KALRN: variants seen among roughly 807,000 people sequenced by gnomAD.
KALRN encodes kalirin.
In KALRN, 70 loss-of-function variants were observed where a neutral mutation model predicts 353.7. The observed-to-expected ratio is 0.20, with a 90% CI of 0.16 to 0.24. The LOEUF is 0.24. Ranked by LOEUF, KALRN falls within the 10% of genes least tolerant of loss-of-function variation. The pLI is 1.00. For missense variants in KALRN, 2,791 were observed against 3,756.7 expected, an observed-to-expected ratio of 0.74 and a Z score of 6.72; for synonymous variants, 1,391 against 1,434.8, an observed-to-expected ratio of 0.97 and a Z score of 0.69.
At position 124,334,664 on chromosome 3, in the gene KALRN, T is replaced by A. The variant is rs2080940462; in HGVS notation, c.1647+169T>A. On this transcript the variant is annotated intron_variant, in intron 9 of 59. Transcript: ENST00000682506. The surrounding 1 kb of genome is among the most constrained non-coding windows in gnomAD (Gnocchi z 4.2). ...CCCTACCAAAACACAGAACAAAAAC[T>A]GGACCTGTGAATTGCATATTTCTTG... is the stretch of plus-strand genomic sequence containing the variant. Among the ~76,000 whole-genome samples the A allele has an allele frequency of 6.6e-6, 1 of 152,218 alleles. No individual in the cohort carries two copies. Among genetic ancestry groups the A allele is most frequent in the Non-Finnish European group, 1.5e-5 (1 of 68,030 alleles).
At chr3:124,071,164 G>A (rs530482352) in intron 1 of KALRN, among the ~76,000 whole-genome samples, 16 of 152,166 alleles carry the variant, frequency 1.1e-4, no homozygotes, top group Non-Finnish European at 1.9e-4. Flanking sequence ...CTGTGTAGGT[G>A]TGCTGGGATG....
chr3:124,134,147 T>A (rs779335421), intron 1 of KALRN, among the ~76,000 whole-genome samples: 15 of 152,110 alleles, frequency 9.9e-5, no homozygotes, highest in Non-Finnish European at 1.9e-4. Context: ...AAGGCTATAG[T>A]CACCAAAACA....
intron 1 of KALRN, among the ~76,000 whole-genome samples, chr3:124,134,098 T>C (rs145211663): frequency 6.6e-6 from 1 of 152,188 alleles, no homozygotes; most frequent in East Asian, 1.9e-4. Flanking sequence ...AAAGATTAAA[T>C]CTGGAGGTAT....
At position 124,678,297 on chromosome 3, in the gene KALRN, A is replaced by G. The variant is rs2150447483; in HGVS notation, c.7301A>G (p.Asn2434Ser). The G allele has an allele frequency of 6.2e-7, 1 of 1,613,968 alleles. No individual in the cohort carries two copies. The highest frequency in any genetic ancestry group is 8.5e-7 in the Non-Finnish European group (1 of 1,179,878). The part of the protein sequence containing the change: ...GPRKPKDILG[N>S]KVSVKETNSS... ...CGTAAACCCAAGGATATTCTGGGCA[A>G]CAAAGTCTCTGTTAAAGTGAGTAAG... The change falls in exon 50 of 60, where the codon AAC (asparagine) becomes AGC (serine). Residue 2434 changes from asparagine to serine, a missense_variant. Transcript: ENST00000682506.
chr3:124,694,045 G>T (rs957099571), intron 52 of KALRN, among the ~76,000 whole-genome samples: 3 of 152,166 alleles, frequency 2.0e-5, no homozygotes, highest in African/African-American at 7.2e-5. Context: ...TTTATATAAA[G>T]CCCAAAAGGG....
intron 21 of KALRN, among the ~76,000 whole-genome samples, chr3:124,452,097 C>A (rs1053029031): frequency 6.6e-6 from 1 of 152,220 alleles, no homozygotes; most frequent in Non-Finnish European, 1.5e-5. Flanking sequence ...CCTCTGATCT[C>A]AAAAGCTGTG....
chr3:124,150,513 C>T (rs1297775471), intron 1 of KALRN, among the ~76,000 whole-genome samples: 1 of 152,152 alleles, frequency 6.6e-6, no homozygotes, highest in Admixed American at 6.6e-5. Flanking sequence ...TTAGGTATAT[C>T]TCCTAATGCT....
intron 34 of KALRN, among the ~76,000 whole-genome samples, chr3:124,604,111 T>C (rs908031060): frequency 1.3e-5 from 2 of 150,996 alleles, no homozygotes; most frequent in Admixed American, 6.6e-5. Context: ...GTAAGAACTC[T>C]GAACAAATAG....
At chr3:124,072,254 GTGCATTCTTAT>G (rs767027925) in intron 1 of KALRN, among the ~76,000 whole-genome samples, 1 of 152,134 alleles carries the variant, frequency 6.6e-6, no homozygotes, top group Non-Finnish European at 1.5e-5. Flanking sequence ...CAGCAGCTCA[GTGCATTCTTAT>G]TCCTGGACTT....
chr3:124,377,218 A>G (rs575471244), intron 10 of KALRN, among the ~76,000 whole-genome samples: 4 of 152,318 alleles, frequency 2.6e-5, no homozygotes, highest in East Asian at 1.9e-4. Context: ...ATTGATCCCA[A>G]TGCTTACAGA....
At chr3:124,193,774 T>G (rs971182936) in intron 1 of KALRN, among the ~76,000 whole-genome samples, 23 of 152,278 alleles carry the variant, frequency 1.5e-4, no homozygotes, top group African/African-American at 5.5e-4. Flanking sequence ...CTTTAATATA[T>G]TTTCCCTAAT....
chr3:124,654,353 G>T (rs961399756), intron 38 of KALRN, among the ~76,000 whole-genome samples: 3 of 152,180 alleles, frequency 2.0e-5, no homozygotes, highest in Admixed American at 1.3e-4. Context: ...CCAGGAATGT[G>T]GTGGCTTCTG....
intron 14 of KALRN, among the ~76,000 whole-genome samples, chr3:124,420,160 AAAC>A (rs1358400903): frequency 2.0e-5 from 3 of 152,228 alleles, no homozygotes; most frequent in Admixed American, 6.5e-5. Context: ...TTCTCACATA[AAAC>A]AACATCAAAT....
At chr3:124,486,465 G>A (rs545734850) in intron 28 of KALRN, among the ~76,000 whole-genome samples, 1 of 152,262 alleles carries the variant, frequency 6.6e-6, no homozygotes, top group Admixed American at 6.5e-5. Context: ...ACTGACTGGA[G>A]CCAAGGGCAA....
chr3:124,073,030 C>T (rs544971395), intron 1 of KALRN, among the ~76,000 whole-genome samples: 41 of 152,298 alleles, frequency 2.7e-4, no homozygotes, highest in African/African-American at 8.4e-4. Flanking sequence ...CATCATGCAA[C>T]GTTCCGATGA....
intron 1 of KALRN, among the ~76,000 whole-genome samples, chr3:124,073,538 A>C (rs2060120411): frequency 6.6e-6 from 1 of 152,206 alleles, no homozygotes; most frequent in African/African-American, 2.4e-5. Context: ...CACTTTTTTT[A>C]AGTAGCCTTT....
At chr3:124,472,093 C>G (rs972067021) in intron 25 of KALRN, among the ~76,000 whole-genome samples, 1 of 152,024 alleles carries the variant, frequency 6.6e-6, no homozygotes, top group African/African-American at 2.4e-5. Context: ...TGCATCTTCC[C>G]ATAGGTTTTT....
At chr3:124,566,904 G>C (rs1438853121) in intron 34 of KALRN, among the ~76,000 whole-genome samples, 1 of 152,192 alleles carries the variant, frequency 6.6e-6, no homozygotes, top group Non-Finnish European at 1.5e-5. Flanking sequence ...GGTCCTCTTA[G>C]CATTTGCAGA....
At chr3:124,114,369 G>A (rs2063273078) in intron 1 of KALRN, among the ~76,000 whole-genome samples, 1 of 152,112 alleles carries the variant, frequency 6.6e-6, no homozygotes, top group Non-Finnish European at 1.5e-5. Context: ...CTGAGGAGAG[G>A]AACCCTGTGC....
Sources: gnomAD v4.1 joint callset for allele counts (sites outside exome capture counted in the v4.1 genomes callset) on GRCh38, gnomAD v4.1.1 for gene constraint, Gnocchi (gnomAD v3.1) non-coding constraint, MANE v1.5 for transcripts, NCBI Gene and HGNC (gene_info 2026-07-23, HGNC 2026-07-21) for gene names.